Variants in PLEKHA6 observed in about 807,000 individuals in gnomAD.
PLEKHA6 encodes pleckstrin homology domain containing A6, also known as pleckstrin homology domain-containing family A member 6.
PLEKHA6 carries 60 observed loss-of-function variants against 116.7 expected under a neutral mutation model. The ratio of observed to expected loss-of-function variants is 0.51; its 90% CI spans 0.42 to 0.64. The LOEUF is 0.64. PLEKHA6 is among the 30% of genes least tolerant of loss of function. The pLI is 0.00. For missense variants in PLEKHA6, 1,338 were observed against 1,422.7 expected, an observed-to-expected ratio of 0.94 and a Z score of 0.96; for synonymous variants, 489 against 556.1, an observed-to-expected ratio of 0.88 and a Z score of 1.70.
intron 17 of PLEKHA6, among the ~76,000 whole-genome samples, chr1:204,234,002 G>A (rs1284602770): frequency 2.6e-5 from 4 of 152,202 alleles, no homozygotes; most frequent in Non-Finnish European, 5.9e-5. Flanking sequence ...GACTGAAGTT[G>A]TTGAATAGTA....
intron 1 of PLEKHA6, among the ~76,000 whole-genome samples, chr1:204,289,475 C>A (rs984852362): frequency 1.3e-5 from 2 of 152,158 alleles, no homozygotes; most frequent in Non-Finnish European, 2.9e-5. Flanking sequence ...TGGCTCAGGA[C>A]CCTGCTTTAA....
intron 13 of PLEKHA6, among the ~76,000 whole-genome samples, chr1:204,246,967 C>T (rs1312152029): frequency 6.6e-6 from 1 of 152,112 alleles, no homozygotes; most frequent in Non-Finnish European, 1.5e-5. Context: ...GAGACCCTGA[C>T]TCTACAAAAA....
intron 6 of PLEKHA6, 147 bp downstream of exon 6, chr1:204,264,795 C>G: frequency 1.4e-6 from 1 of 698,066 alleles, no homozygotes; most frequent in East Asian, 2.5e-5. Flanking sequence ...ATTACTACTC[C>G]TCCTCCCCCA....
At chr1:204,350,821 G>A (rs1293988646) in intron 1 of PLEKHA6, among the ~76,000 whole-genome samples, 1 of 152,166 alleles carries the variant, frequency 6.6e-6, no homozygotes, top group Non-Finnish European at 1.5e-5. Flanking sequence ...AGGCCAAGAC[G>A]ACTCACACTG....
intron 1 of PLEKHA6, among the ~76,000 whole-genome samples, chr1:204,357,688 G>T (rs1485272333): frequency 6.6e-6 from 1 of 152,242 alleles, no homozygotes. Context: ...ACAACAGGCA[G>T]TGAGGAAGAC....
Position 204,239,927 on chromosome 1 carries a change from C to G in PLEKHA6, c.2409+1448G>C, listed in dbSNP as rs945866449. 3.0e-4 allele frequency among the ~76,000 whole-genome samples: 46 copies of G among 152,178 alleles called. 1 individual carries two copies. The highest frequency in any genetic ancestry group is 1.0e-3 in the African/African-American group (43 of 41,442). On this transcript the variant is annotated intron_variant, in intron 17 of 22. Transcript: ENST00000272203. ...AAATTTTTGCTTCCTTTTCCCATGA[C>G]ATTATGTTCTGCTGGCCTACGGGTC...
At chr1:204,328,046 TTTTA>T (rs200664605) in intron 1 of PLEKHA6, among the ~76,000 whole-genome samples, 36,699 of 142,120 alleles carry the variant, frequency 0.26, 4,854 homozygotes, top group East Asian at 0.4. Flanking sequence ...CTTTTATTTA[TTTTA>T]TTTATTTATT....
intron 1 of PLEKHA6, chr1:204,296,958 C>T: frequency 4.7e-6 from 1 of 210,730 alleles, no homozygotes; most frequent in Non-Finnish European, 8.2e-6. Flanking sequence ...CCATGGAAAG[C>T]TTATGCAATT....
intron 1 of PLEKHA6, chr1:204,320,316 C>T (rs1463943076): frequency 9.7e-5 from 16 of 165,108 alleles, no homozygotes; most frequent in African/African-American, 3.6e-4. Flanking sequence ...TCCCAACCCT[C>T]GAGGTAGGGG....
intron 1 of PLEKHA6, among the ~76,000 whole-genome samples, chr1:204,349,766 C>T (rs921850926): frequency 2.6e-5 from 4 of 152,170 alleles, no homozygotes; most frequent in African/African-American, 7.2e-5. Context: ...GTGATGGCAC[C>T]TGGAAGGTGA....
At chr1:204,249,725 G>A (rs1184413268) in intron 10 of PLEKHA6, among the ~76,000 whole-genome samples, 1 of 152,028 alleles carries the variant, frequency 6.6e-6, no homozygotes, top group Non-Finnish European at 1.5e-5. Context: ...TCCCTTCAAA[G>A]TCTCAGGATG....
Position 204,228,348 on chromosome 1 carries a change from G to T in PLEKHA6, c.2886-120C>A. ...GGGCCCCGTGAATGTGCAGTCTCTG[G>T]TTCCCAGCAAGGCTGTCCCTAGGAG... On this transcript the variant is annotated intron_variant, in intron 20 of 22. Coordinates refer to ENST00000272203, the MANE Select transcript of PLEKHA6 (RefSeq NM_014935.5). This position sits in a 1 kb window ranked among gnomAD's most constrained non-coding sequence, Gnocchi z 4.0. 1 of 1,014,752 alleles carries T rather than the reference G, an allele frequency of 9.9e-7. No individual in the cohort carries two copies. Among genetic ancestry groups the T allele is most frequent in the Non-Finnish European group, 1.5e-6 (1 of 685,814 alleles). 62.9% of individuals were successfully genotyped at this position (1,014,752 alleles called of 1,614,324 possible).
intron 3 of PLEKHA6, among the ~76,000 whole-genome samples, chr1:204,273,248 T>C (rs981064850): frequency 6.6e-6 from 1 of 152,198 alleles, no homozygotes; most frequent in Non-Finnish European, 1.5e-5. Flanking sequence ...AAGGGACAAC[T>C]GACAATGTCT....
chr1:204,371,169 C>T (rs1572238072), intron 2 of PLEKHA6, among the ~76,000 whole-genome samples: 1 of 152,142 alleles, frequency 6.6e-6, no homozygotes, highest in South Asian at 2.1e-4. Context: ...ATAGAGAACC[C>T]TTCCATCACG....
intron 1 of PLEKHA6, among the ~76,000 whole-genome samples, chr1:204,317,670 G>A (rs1671909801): frequency 6.6e-6 from 1 of 152,204 alleles, no homozygotes; most frequent in African/African-American, 2.4e-5. Flanking sequence ...AATCATCGGT[G>A]GGTTGGGAAC....
At chr1:204,233,011 C>T (rs1474401183) in intron 17 of PLEKHA6, among the ~76,000 whole-genome samples, 1 of 151,734 alleles carries the variant, frequency 6.6e-6, no homozygotes, top group Non-Finnish European at 1.5e-5. Context: ...CTATGTTGCC[C>T]ACACTGGTCT....
At chr1:204,272,623 C>G (rs898710380) in intron 3 of PLEKHA6, among the ~76,000 whole-genome samples, 1 of 152,222 alleles carries the variant, frequency 6.6e-6, no homozygotes, top group Admixed American at 6.5e-5. Context: ...TCAAGCCCCT[C>G]CCCAGTCTCA....
At chr1:204,253,845 A>AAAC (rs1553253864) in intron 9 of PLEKHA6, among the ~76,000 whole-genome samples, 1 of 147,612 alleles carries the variant, frequency 6.8e-6, no homozygotes, top group African/African-American at 2.5e-5. Context: ...AAAAAAAAAA[A>AAAC]AAAAACAAAA....
At chr1:204,233,652 T>C (rs1661543705) in intron 17 of PLEKHA6, among the ~76,000 whole-genome samples, 1 of 152,160 alleles carries the variant, frequency 6.6e-6, no homozygotes, top group Non-Finnish European at 1.5e-5. Flanking sequence ...TCTCACTATG[T>C]TGTCCAGACT....
Sources: gnomAD v4.1 joint callset for allele counts (sites outside exome capture counted in the v4.1 genomes callset) on GRCh38, gnomAD v4.1.1 for gene constraint, Gnocchi (gnomAD v3.1) non-coding constraint, MANE v1.5 for transcripts, NCBI Gene and HGNC (gene_info 2026-07-23, HGNC 2026-07-21) for gene names.